The following LYST variants were observed in gnomAD, a reference collection of about 807,000 sequenced individuals.
LYST encodes lysosomal trafficking regulator.
Under a neutral mutation model 413.6 loss-of-function variants are expected in LYST, and 192 were observed. The ratio of observed to expected loss-of-function variants is 0.46; its 90% CI spans 0.41 to 0.52. The LOEUF (loss-of-function observed/expected upper bound fraction) is 0.52, where lower values mean the gene tolerates loss of function less well. Among genes scored for constraint, LYST ranks in the 20% least tolerant of loss-of-function variants. LYST has a pLI of 0.00. For missense variants in LYST, 3,815 were observed against 4,499.9 expected (o/e 0.85, Z 4.35); for synonymous variants, 1,525 against 1,567.3 (o/e 0.97, Z 0.64).
At chr1:235,765,802 GTTC>G (rs1298948221) in intron 21 of LYST, among the ~76,000 whole-genome samples, 2 of 151,924 alleles carry the variant, frequency 1.3e-5, no homozygotes, top group African/African-American at 4.8e-5. Context: ...AATCTCATTA[GTTC>G]TTCTTTTGTG....
chr1:235,812,977 C>T lies in LYST; in HGVS notation c.277G>A (p.Ala93Thr), dbSNP rs1441889423. ...VWKIPVQEEKATDFNLPLSAD... is the reference protein window; with the variant it reads ...VWKIPVQEEKTTDFNLPLSAD... ...ATAAAGGGAAAAAGCATACCTGTTG[C>T]CTTTTCTTCTTGGACAGGTATCTTC... Residue 93 changes from alanine to threonine, a missense_variant, in exon 4 of 53, where the codon GCA becomes ACA. Ala to Thr is a moderately conservative substitution (Grantham distance 58). Around this residue, in one of 4 missense-constraint regions of LYST, gnomAD observed 1,648 missense variants for 1,810.3 expected, o/e 0.91. Coordinates refer to ENST00000389793, the MANE Select transcript of LYST (RefSeq NM_000081.4). 1 of 1,605,270 alleles carries T rather than the reference C, an allele frequency of 6.2e-7. No homozygotes were observed. Among genetic ancestry groups the T allele is most frequent in the Admixed American group, 1.7e-5 (1 of 59,948 alleles).
At chr1:235,838,214 G>A (rs1446693232) in intron 1 of LYST, among the ~76,000 whole-genome samples, 1 of 152,190 alleles carries the variant, frequency 6.6e-6, no homozygotes, top group Non-Finnish European at 1.5e-5. Flanking sequence ...AAACTGATGA[G>A]TGTAACAGGG....
chr1:235,666,562 T>G (rs1041034772), intron 50 of LYST, among the ~76,000 whole-genome samples: 13 of 142,732 alleles, frequency 9.1e-5, no homozygotes, highest in Admixed American at 2.2e-4. Flanking sequence ...ATGGCAAATT[T>G]TATTTAAATA....
At chr1:235,681,297 A>G (rs1481658400) in intron 48 of LYST, among the ~76,000 whole-genome samples, 2 of 152,144 alleles carry the variant, frequency 1.3e-5, no homozygotes, top group Admixed American at 6.5e-5. Flanking sequence ...GGCACTGCCA[A>G]TGTTACTGGG....
chr1:235,766,910 T>G (rs889145431), intron 20 of LYST, among the ~76,000 whole-genome samples: 3 of 152,056 alleles, frequency 2.0e-5, no homozygotes, highest in Admixed American at 6.6e-5. Context: ...TGCTCCAGTT[T>G]ACAAAGCTTT....
Position 235,830,352 on chromosome 1 carries a change from T to C in LYST, c.66A>G (p.Ala22=), listed in dbSNP as rs757708194. 1.7e-5 allele frequency: 27 copies of C among 1,613,770 alleles called. No homozygotes were observed. The highest frequency in any genetic ancestry group is 2.3e-5 in the Non-Finnish European group (27 of 1,179,920). ...CCCTGGCCTCCACCCTCTGGACCAC[T>C]GCATTGCAAAGCCGGTTGACATCGG... ...FLTDVNRLCN[A]VVQRVEAREE... The change falls in exon 3 of 53, where the codon GCA becomes GCG. Residue 22 remains alanine, a synonymous_variant. Coordinates refer to ENST00000389793, the MANE Select transcript of LYST (RefSeq NM_000081.4).
intron 22 of LYST, among the ~76,000 whole-genome samples, chr1:235,762,355 T>G (rs984734434): frequency 2.0e-5 from 3 of 151,968 alleles, no homozygotes; most frequent in African/African-American, 7.3e-5. Context: ...GTACCCTGAG[T>G]CAAAAAATGT....
chr1:235,747,288 T>C (rs1337446682), intron 28 of LYST: 1 of 451,318 alleles, frequency 2.2e-6, no homozygotes, highest in East Asian at 7.0e-5. Flanking sequence ...CAAAATGATG[T>C]CTTGGTAGAT....
intron 45 of LYST, among the ~76,000 whole-genome samples, chr1:235,700,439 C>T (rs12066058): frequency 0.034 from 5,130 of 152,252 alleles, 278 homozygotes; most frequent in African/African-American, 0.12. Context: ...ACAGCCACTT[C>T]TCATAGAATA....
intron 9 of LYST, 43 bp downstream of exon 9, chr1:235,800,828 G>A (rs777961304): frequency 1.5e-6 from 2 of 1,319,596 alleles, no homozygotes; most frequent in Admixed American, 3.6e-5. Context: ...TGGGTGATGA[G>A]TCTGATAAAT....
intron 25 of LYST, among the ~76,000 whole-genome samples, chr1:235,753,833 A>G (rs1302058722): frequency 1.3e-5 from 2 of 152,178 alleles, no homozygotes; most frequent in African/African-American, 4.8e-5. Flanking sequence ...GTAATGCACA[A>G]TTGTTTCGTG....
intron 3 of LYST, chr1:235,827,705 T>C: frequency 1.0e-6 from 1 of 982,312 alleles, no homozygotes; most frequent in South Asian, 4.7e-5. Flanking sequence ...CTACAGATAT[T>C]CCAAAAAGTG....
rs4006790 is a variant in LYST, at chr1:235,730,567, A to ATG, written c.9044+278_9044+279dup. Reference sequence around the variant, plus strand: ...TATGTGTATATATATACATATTTATATGTGTGTGTGTGTGTGTGTGTGTGT... The same window carrying ATG: ...TATGTGTATATATATACATATTTATATGTGTGTGTGTGTGTGTGTGTGTGTGT... On this transcript the variant is annotated intron_variant, in intron 36 of 52. Coordinates refer to ENST00000389793, the MANE Select transcript of LYST (RefSeq NM_000081.4). Among the ~76,000 whole-genome samples the ATG allele has an allele frequency of 7.4e-3, 1,013 of 137,576 alleles. 9 individuals carry two copies. The highest frequency in any genetic ancestry group is 0.036 in the South Asian group (150 of 4,144). The allele number at this position is 137,576 out of a possible 152,430, so 90.3% of individuals were successfully genotyped here. A position where few individuals can be genotyped will look rare whatever the true frequency, so the allele number is the denominator to read the frequency against.
At chr1:235,820,610 AT>A (rs1030466102) in intron 3 of LYST, among the ~76,000 whole-genome samples, 3 of 152,112 alleles carry the variant, frequency 2.0e-5, no homozygotes, top group Non-Finnish European at 4.4e-5. Context: ...GGCTCAAGCA[AT>A]CTGTCTGCCT....
At position 235,741,475 on chromosome 1, in the gene LYST, G is replaced by T; in HGVS notation, c.8305C>A (p.His2769Asn). The change falls in exon 31 of 53, where the codon CAT becomes AAT. Residue 2769 changes from histidine to asparagine, a missense_variant. His to Asn is a moderately conservative substitution (Grantham distance 68). Coordinates refer to ENST00000389793, the MANE Select transcript of LYST (RefSeq NM_000081.4). Reference sequence around the variant, plus strand: ...AGTATTTCCTGATGATTTGGTTCATGAACTATTTCAAAAATTTGCTTTCTC... The same window carrying T: ...AGTATTTCCTGATGATTTGGTTCATTAACTATTTCAAAAATTTGCTTTCTC... Reference protein sequence around the residue: ...QERKQIFEIVHEPNHQEILRD... With the variant: ...QERKQIFEIVNEPNHQEILRD... 1.9e-6 allele frequency: 3 copies of T among 1,614,108 alleles called. No homozygotes were observed. Among genetic ancestry groups the T allele is most frequent in the Non-Finnish European group, 2.5e-6 (3 of 1,180,004 alleles).
At chr1:235,773,553 A>G (rs1411912993) in intron 19 of LYST, among the ~76,000 whole-genome samples, 1 of 152,218 alleles carries the variant, frequency 6.6e-6, no homozygotes, top group East Asian at 1.9e-4. Context: ...AATCACAAAA[A>G]GACAAATACT....
intron 27 of LYST, 79 bp downstream of exon 27, chr1:235,751,926 G>T: frequency 1.0e-6 from 1 of 984,860 alleles, no homozygotes; most frequent in Non-Finnish European, 1.6e-6. Flanking sequence ...GAGTTTCTAA[G>T]AAGAAAGAGA....
chr1:235,662,993 G>A lies in LYST; in HGVS notation c.11353C>T (p.Arg3785Cys). Reference sequence around the variant, plus strand: ...GAATAGAACATTGGCTGTTTCAAGCGCTGCTGGTCCTTCCGACACCAGGCA... The same window carrying A: ...GAATAGAACATTGGCTGTTTCAAGCACTGCTGGTCCTTCCGACACCAGGCA... Reference protein sequence around the residue: ...VIAWCRKDQQRLKQPMFYSFL... With the variant: ...VIAWCRKDQQCLKQPMFYSFL... Residue 3785 changes from arginine to cysteine, a missense_variant, in exon 53 of 53, where the codon CGC (arginine) becomes TGC (cysteine). By Grantham distance (180) the Arg-to-Cys change is radical. Around this residue, in one of 4 missense-constraint regions of LYST, gnomAD observed 866 missense variants for 1,156.0 expected, o/e 0.75. Coordinates refer to ENST00000389793, the MANE Select transcript of LYST (RefSeq NM_000081.4). 9.9e-6 allele frequency: 16 copies of A among 1,613,638 alleles called. No homozygotes were observed. The highest frequency in any genetic ancestry group is 4.5e-5 in the East Asian group (2 of 44,878).
chr1:235,695,159 G>A (rs1660988742), intron 46 of LYST, among the ~76,000 whole-genome samples: 1 of 152,190 alleles, frequency 6.6e-6, no homozygotes, highest in South Asian at 2.1e-4. Flanking sequence ...CATTTATTAA[G>A]CACTTAGAAT....
Sources: allele counts gnomAD v4.1 joint callset (sites outside exome capture counted in the v4.1 genomes callset), GRCh38; gene constraint gnomAD v4.1.1; regional missense constraint gnomAD v4.1.1; transcripts MANE v1.5; gene names NCBI Gene and HGNC (gene_info 2026-07-23, HGNC 2026-07-21).